NPLOC4: variants seen among roughly 807,000 people sequenced by gnomAD.
NPLOC4 encodes the protein nuclear protein localization protein 4 homolog.
In NPLOC4, 18 loss-of-function variants were observed where a neutral mutation model predicts 80.6. The ratio of observed to expected loss-of-function variants is 0.22; its 90% CI spans 0.15 to 0.33. NPLOC4 has a LOEUF of 0.33. Ranked by LOEUF, NPLOC4 falls within the 10% of genes least tolerant of loss-of-function variation. The pLI is 1.00. For synonymous variants in NPLOC4, 313 were observed against 301.5 expected, an observed-to-expected ratio of 1.04 and a Z score of -0.39; for missense variants, 540 against 786.1, an observed-to-expected ratio of 0.69 and a Z score of 3.74.
At chr17:81,565,122 A>G in intron 16 of NPLOC4, 1 of 593,092 alleles carries the variant, frequency 1.7e-6, no homozygotes, top group South Asian at 2.1e-5. Flanking sequence ...TACAGCTTTA[A>G]GCACTAAAGG....
intron 16 of NPLOC4, among the ~76,000 whole-genome samples, chr17:81,559,834 G>T (rs562997802): frequency 1.4e-5 from 2 of 146,742 alleles, no homozygotes; most frequent in East Asian, 4.5e-4. Context: ...CCGGGTTCAA[G>T]CGGTTTTCCT....
chr17:81,597,275 T>A lies in NPLOC4; in HGVS notation c.963A>T (p.Arg321=). Residue 321 remains arginine, a synonymous_variant, in exon 10 of 17, where the codon CGA becomes CGT. Coordinates refer to ENST00000331134, the MANE Select transcript of NPLOC4 (RefSeq NM_017921.4). ...IFTDLVSEDT[R]KGTVRYSRNK... The stretch of plus-strand genomic sequence containing the variant: ...TTCGACTGTAGCGGACGGTACCCTT[T>A]CGGGTATCTTCTGAGACGAGGTCTG... 1 of 1,613,652 alleles carries A rather than the reference T, an allele frequency of 6.2e-7. No individual in the cohort carries two copies. Among genetic ancestry groups the A allele is most frequent in the Non-Finnish European group, 8.5e-7 (1 of 1,179,600 alleles).
intron 12 of NPLOC4, among the ~76,000 whole-genome samples, chr17:81,582,425 G>A (rs2034468457): frequency 6.6e-6 from 1 of 152,176 alleles, no homozygotes; most frequent in Admixed American, 6.5e-5. Context: ...TGTTTTTGGA[G>A]GAGTCTTGTT....
intron 3 of NPLOC4, among the ~76,000 whole-genome samples, chr17:81,620,474 C>A (rs1043618502): frequency 6.6e-6 from 1 of 151,498 alleles, no homozygotes; most frequent in East Asian, 2.0e-4. Flanking sequence ...CCAGCCTGGG[C>A]GACAGAGCGA....
chr17:81,608,149 C>T (rs892004583), intron 6 of NPLOC4, among the ~76,000 whole-genome samples: 1 of 152,210 alleles, frequency 6.6e-6, no homozygotes, highest in Non-Finnish European at 1.5e-5. Context: ...GTGGCTGCAG[C>T]CCCTGCTGTG....
Position 81,559,359 on chromosome 17 carries a change from G to A in NPLOC4, c.1727C>T (p.Thr576Ile), listed in dbSNP as rs1443402844. Residue 576 changes from threonine (T) to isoleucine (I), a missense_variant, in exon 17 of 17, where the codon ACA becomes ATA. Around this residue, in one of 6 missense-constraint regions of NPLOC4, gnomAD observed 87 missense variants for 70.3 expected, o/e 1.24. Transcript: ENST00000331134. Reference sequence around the variant, plus strand: ...CCACATGGCTGCAGTGGCCGTGTGTGTGGAGCCCCCGACGGCGCCGTACTC... The same window carrying A: ...CCACATGGCTGCAGTGGCCGTGTGTATGGAGCCCCCGACGGCGCCGTACTC... ...LHEYGAVGGS[T>I]HTATAAMWAC... is the part of the protein sequence containing the mutation. 7 of 1,608,558 alleles carry A rather than the reference G, an allele frequency of 4.4e-6. No individual in the cohort carries two copies. Among genetic ancestry groups the A allele is most frequent in the East Asian group, 2.2e-5 (1 of 44,728 alleles).
intron 11 of NPLOC4, among the ~76,000 whole-genome samples, chr17:81,595,534 A>ATAT (rs375264307): frequency 1.2e-4 from 17 of 139,658 alleles, no homozygotes; most frequent in Admixed American, 2.2e-4. Context: ...ATATATATAT[A>ATAT]TTTTTTTTTT....
At chr17:81,624,183 G>A (rs1384842657) in intron 2 of NPLOC4, among the ~76,000 whole-genome samples, 3 of 152,180 alleles carry the variant, frequency 2.0e-5, no homozygotes, top group Non-Finnish European at 2.9e-5. Context: ...CACTCTGGGA[G>A]GCCGAGGTGG....
Position 81,588,793 on chromosome 17 carries a change from A to C in NPLOC4, c.1281+151T>G. On this transcript the variant is annotated intron_variant, in intron 12 of 16. Transcript: ENST00000331134. Reference sequence around the variant, plus strand: ...GCATGAGTAGCGAATATCCAGCCCCAGAAACGTGACAGAAGCCTTTAGTGA... The same window carrying C: ...GCATGAGTAGCGAATATCCAGCCCCCGAAACGTGACAGAAGCCTTTAGTGA... The C allele has an allele frequency of 4.7e-6, 3 of 640,504 alleles. No individual in the cohort carries two copies. In the South Asian group the frequency reaches 6.4e-5, roughly 14 times the overall value. The allele number at this position is 640,504 out of a possible 1,614,324, so 39.7% of individuals were successfully genotyped here. A position where few individuals can be genotyped will look rare whatever the true frequency, so the allele number is the denominator to read the frequency against.
At position 81,577,768 on chromosome 17, in the gene NPLOC4, G is replaced by A. The variant is rs897233520; in HGVS notation, c.1282-5680C>T. Reference sequence around the variant, plus strand: ...GTGCCAACCCTGCTCCCCAAAACCAGGAACCTGGCTTGAGCCTGTGCTCCT... The same window carrying A: ...GTGCCAACCCTGCTCCCCAAAACCAAGAACCTGGCTTGAGCCTGTGCTCCT... On this transcript the variant is annotated intron_variant, in intron 12 of 16. Coordinates refer to ENST00000331134, the MANE Select transcript of NPLOC4 (RefSeq NM_017921.4). The surrounding 1 kb of genome is among the most constrained non-coding windows in gnomAD (Gnocchi z 4.3). Among the ~76,000 whole-genome samples, 6 of 152,026 alleles carry A rather than the reference G, an allele frequency of 3.9e-5. No homozygotes were observed. The highest frequency in any genetic ancestry group is 1.5e-4 in the African/African-American group (6 of 41,364).
chr17:81,608,145 G>A (rs575524347), intron 6 of NPLOC4, among the ~76,000 whole-genome samples: 11 of 152,364 alleles, frequency 7.2e-5, no homozygotes, highest in South Asian at 4.1e-4. Flanking sequence ...ATTAGTGGCT[G>A]CAGCCCCTGC....
chr17:81,633,210 G>C (rs1376417596), intron 1 of NPLOC4, among the ~76,000 whole-genome samples: 1 of 151,164 alleles, frequency 6.6e-6, no homozygotes, highest in Non-Finnish European at 1.5e-5. Context: ...CAATACCCCA[G>C]AAAAACGTTT....
chr17:81,608,021 G>C (rs961756549), intron 6 of NPLOC4, among the ~76,000 whole-genome samples: 2 of 152,204 alleles, frequency 1.3e-5, no homozygotes, highest in Admixed American at 6.5e-5. Context: ...ATACAGGCAA[G>C]GGCTTGCCAT....
At chr17:81,591,612 T>C (rs2034747205) in intron 11 of NPLOC4, among the ~76,000 whole-genome samples, 1 of 152,142 alleles carries the variant, frequency 6.6e-6, no homozygotes, top group African/African-American at 2.4e-5. Context: ...ATTGGCCATA[T>C]GGATAATCTT....
chr17:81,583,491 AC>A (rs1598633850), intron 12 of NPLOC4, among the ~76,000 whole-genome samples: 2 of 152,342 alleles, frequency 1.3e-5, no homozygotes, highest in East Asian at 3.9e-4. Flanking sequence ...GTTCCCTTTC[AC>A]AAGAAAGGTG....
Position 81,613,343 on chromosome 17 carries a change from T to A in NPLOC4, c.361A>T (p.Ile121Phe). The change falls in exon 4 of 17, where the codon ATT (isoleucine) becomes TTT (phenylalanine). Residue 121 changes from isoleucine to phenylalanine, a missense_variant. Coordinates refer to ENST00000331134, the MANE Select transcript of NPLOC4 (RefSeq NM_017921.4). The part of the protein sequence containing the change: ...DQYLSKQDGK[I>F]YRSRDPQLCR... ...AGCTGTGGGTCTCGGCTTCTGTAAA[T>A]CTTCCCGTCCTGTTTGCTGAGGTAC... The A allele has an allele frequency of 2.5e-6, 4 of 1,613,698 alleles. No homozygotes were observed. In the South Asian group the frequency reaches 4.4e-5, roughly 18 times the overall value.
At chr17:81,600,500 T>G in intron 8 of NPLOC4, 73 bp from the exon 9 acceptor site, 2 of 1,178,828 alleles carry the variant, frequency 1.7e-6, no homozygotes, top group Non-Finnish European at 1.2e-6. Flanking sequence ...GCCCTTCCAC[T>G]TCCAGCTCTA....
In NPLOC4 at chr17:81,572,201, T is replaced by C. The variant is rs1033485916; in HGVS notation, c.1282-113A>G. 137 of 498,382 alleles carry C rather than the reference T, an allele frequency of 2.7e-4. No individual in the cohort carries two copies. The highest frequency in any genetic ancestry group is 3.9e-4 in the Non-Finnish European group (129 of 327,664). 30.9% of individuals were successfully genotyped at this position (498,382 alleles called of 1,614,324 possible). A position where few individuals can be genotyped will look rare whatever the true frequency, so the allele number is the denominator to read the frequency against. ...ATTAATTAATTTATTTATTTATTTATTTTTTGAGACAGAGTCTTGTGCTGT... is the reference window on the plus strand; with the variant it reads ...ATTAATTAATTTATTTATTTATTTACTTTTTGAGACAGAGTCTTGTGCTGT... On this transcript the variant is annotated intron_variant, in intron 12 of 16. Coordinates refer to ENST00000331134, the MANE Select transcript of NPLOC4 (RefSeq NM_017921.4). This position sits in a 1 kb window ranked among gnomAD's most constrained non-coding sequence, Gnocchi z 4.5.
chr17:81,621,213 G>C (rs1264321439), intron 3 of NPLOC4, among the ~76,000 whole-genome samples: 1 of 152,100 alleles, frequency 6.6e-6, no homozygotes, highest in Non-Finnish European at 1.5e-5. Context: ...CTCTGGAAAT[G>C]AACATCAACA....
Sources: gnomAD v4.1 joint callset for allele counts (sites outside exome capture counted in the v4.1 genomes callset) on GRCh38, gnomAD v4.1.1 for gene constraint, gnomAD v4.1.1 regional missense constraint, Gnocchi (gnomAD v3.1) non-coding constraint, MANE v1.5 for transcripts, NCBI Gene and HGNC (gene_info 2026-07-23, HGNC 2026-07-21) for gene names.